FAM200A: variants seen among roughly 807,000 people sequenced by gnomAD.
The protein encoded by FAM200A is protein FAM200A.
Under a neutral mutation model 44.2 loss-of-function variants are expected in FAM200A, and 26 were observed. That is an observed-to-expected ratio of 0.59 (90% CI 0.43 to 0.82). The LOEUF (loss-of-function observed/expected upper bound fraction) is 0.82, where lower values mean the gene tolerates loss of function less well. Among genes scored for constraint, FAM200A ranks in the 40% least tolerant of loss-of-function variants. The pLI, the probability that FAM200A is intolerant of heterozygous loss-of-function variation, is 0.00. For synonymous variants in FAM200A, 206 were observed against 244.4 expected (o/e 0.84, Z 1.47); for missense variants, 606 against 669.5 (o/e 0.91, Z 1.05).
chr7:99,551,219 TCTCA>T (rs1384096725), intron 1 of FAM200A, among the ~76,000 whole-genome samples: 1 of 151,268 alleles, frequency 6.6e-6, no homozygotes, highest in African/African-American at 2.4e-5. Context: ...TGAGACAGAG[TCTCA>T]CTCTCTCTCT....
rs1802404716 is a variant in FAM200A, at chr7:99,547,119, AAAG to A, written c.1286_1288del (p.Ser429del). On this transcript the variant is annotated inframe_deletion, in exon 2 of 2. Transcript: ENST00000449309. The stretch of plus-strand genomic sequence containing the variant: ...AAAGTAATAATTAAAAGTTTGAGAC[AAAG>A]AAGTGAGATGCAACAATATCTCTAA... The A allele has an allele frequency of 6.5e-7, 1 of 1,547,310 alleles. No homozygotes were observed. The highest frequency in any genetic ancestry group is 8.7e-7 in the Non-Finnish European group (1 of 1,145,836).
At chr7:99,556,292 C>A (rs2151133981), upstream of FAM200A, among the ~76,000 whole-genome samples, 1 of 152,280 alleles carries the variant, frequency 6.6e-6, no homozygotes, top group East Asian at 1.9e-4. Context: ...GCGGACTACA[C>A]TGTGACAGAG....
upstream of FAM200A, among the ~76,000 whole-genome samples, chr7:99,553,050 CA>C (rs1802579878): frequency 8.6e-6 from 1 of 115,720 alleles, no homozygotes. Context: ...TATACACACA[CA>C]TATATATATA....
upstream of FAM200A, among the ~76,000 whole-genome samples, chr7:99,556,342 C>A (rs1279886141): frequency 1.3e-5 from 2 of 152,114 alleles, no homozygotes; most frequent in Non-Finnish European, 2.9e-5. Context: ...GTATGAGCCA[C>A]GACTTTGACT....
At position 99,552,102 on chromosome 7, in the gene FAM200A, G is replaced by A. The variant is rs189967824; in HGVS notation, c.-348C>T. 31 of 985,496 alleles carry A rather than the reference G, an allele frequency of 3.1e-5. No homozygotes were observed. In the East Asian group the frequency reaches 2.3e-3, roughly 72 times the overall value. 61.0% of individuals were successfully genotyped at this position (985,496 alleles called of 1,614,324 possible). ...CAAGCCCCCTGGCCTTCAGAGCCCA[G>A]GGAAAGCGTCACAAAAGCCGGAAGT... On this transcript the variant is annotated 5_prime_UTR_variant, in exon 1 of 2. Coordinates refer to ENST00000449309, the MANE Select transcript of FAM200A (RefSeq NM_145111.4).
intron 1 of FAM200A, among the ~76,000 whole-genome samples, chr7:99,557,978 G>GC (rs2151135831): frequency 6.6e-6 from 1 of 152,292 alleles, no homozygotes; most frequent in South Asian, 2.1e-4. Context: ...CCGGCGCTCT[G>GC]CCTGTCCCGC....
chr7:99,553,028 CATGT>C (rs60362350), upstream of FAM200A, among the ~76,000 whole-genome samples: 9 of 112,998 alleles, frequency 8.0e-5, no homozygotes, highest in Admixed American at 1.8e-4. Context: ...CATATATATA[CATGT>C]ATATATATAT....
Position 99,546,879 on chromosome 7 carries a change from C to A in FAM200A, c.1529G>T (p.Ser510Ile). 6.5e-7 allele frequency: 1 copy of A among 1,550,284 alleles called. No individual in the cohort carries two copies. The highest frequency in any genetic ancestry group is 1.2e-5 in the South Asian group (1 of 83,548). The change falls in exon 2 of 2, where the codon AGT (serine) becomes ATT (isoleucine). Residue 510 changes from serine to isoleucine, a missense_variant. Transcript: ENST00000449309. ...IKIKDDFPLL[S>I]RKSILLLLPF... is the part of the protein sequence containing the mutation. ...TAGTAACAGCAATATACTCTTCCTA[C>A]TTAGCAGTGGAAAGTCATCTTTAAT...
upstream of FAM200A, among the ~76,000 whole-genome samples, chr7:99,553,843 G>A (rs1436168561): frequency 1.3e-5 from 2 of 152,284 alleles, no homozygotes; most frequent in African/African-American, 4.8e-5. Flanking sequence ...CTGGCTAGCT[G>A]CTTCTGGATG....
At chr7:99,553,062 TAC>T (rs1206039971), upstream of FAM200A, among the ~76,000 whole-genome samples, 8,705 of 98,424 alleles carry the variant, frequency 0.088, 540 homozygotes, top group African/African-American at 0.21. Context: ...TATATATATA[TAC>T]ACACACATAT....
At chr7:99,553,099 ATTTTTTTTT>A (rs576289512), upstream of FAM200A, among the ~76,000 whole-genome samples, 5 of 61,418 alleles carry the variant, frequency 8.1e-5, no homozygotes, top group Admixed American at 4.2e-4. Flanking sequence ...ATATATATAT[ATTTTTTTTT>A]TTTTTTTTTT....
At chr7:99,553,458 C>G (rs147419231), upstream of FAM200A, among the ~76,000 whole-genome samples, 268 of 152,188 alleles carry the variant, frequency 1.8e-3, no homozygotes, top group African/African-American at 6.3e-3. Context: ...TATAACGACT[C>G]CTTTCTTTGC....
chr7:99,547,487 T>A lies in FAM200A; in HGVS notation c.921A>T (p.Gly307=). The A allele has an allele frequency of 6.5e-7, 1 of 1,549,854 alleles. No homozygotes were observed. The highest frequency in any genetic ancestry group is 8.7e-7 in the Non-Finnish European group (1 of 1,146,012). Reference sequence around the variant, plus strand: ...GTTCATATACTCTGCTCAATACTTTTCCTTGAGAAAGCCAACGAACTTCTG... The same window carrying A: ...GTTCATATACTCTGCTCAATACTTTACCTTGAGAAAGCCAACGAACTTCTG... ...FHTEVRWLSQ[G]KVLSRVYELR... Residue 307 remains glycine (G), a synonymous_variant, in exon 2 of 2, where the codon GGA becomes GGT. Coordinates refer to ENST00000449309, the MANE Select transcript of FAM200A (RefSeq NM_145111.4).
rs1486965369 is a variant in FAM200A at position 99,546,987 on chromosome 7, T to A, written c.1421A>T (p.Glu474Val). The A allele has an allele frequency of 3.9e-6, 6 of 1,550,324 alleles. No individual in the cohort carries two copies. In the East Asian group the frequency reaches 1.5e-4, roughly 38 times the overall value. Residue 474 changes from glutamate (E) to valine (V), a missense_variant, in exon 2 of 2, where the codon GAG (glutamate) becomes GTG (valine). By Grantham distance (121) the Glu-to-Val change is moderately radical. Coordinates refer to ENST00000449309, the MANE Select transcript of FAM200A (RefSeq NM_145111.4). ...IIELNLEPEE[E>V]NELLQLSSSF... ...TGAACTGAGCTGCAATAATTCATTCTCTTCTTCAGGCTCCAAGTTTAACTC... is the reference window on the plus strand; with the variant it reads ...TGAACTGAGCTGCAATAATTCATTCACTTCTTCAGGCTCCAAGTTTAACTC...
intron 1 of FAM200A, among the ~76,000 whole-genome samples, chr7:99,551,328 C>A (rs1357794538): frequency 6.6e-6 from 1 of 151,828 alleles, no homozygotes; most frequent in African/African-American, 2.4e-5. Context: ...GCCTCCCAAG[C>A]AGCTGGGATT....
intron 1 of FAM200A, among the ~76,000 whole-genome samples, chr7:99,549,687 G>A (rs1028472675): frequency 6.6e-6 from 1 of 152,154 alleles, no homozygotes; most frequent in Non-Finnish European, 1.5e-5. Context: ...AAGAAAATGT[G>A]GCACATATAC....
chr7:99,552,931 C>T (rs900602919), upstream of FAM200A, among the ~76,000 whole-genome samples: 9 of 150,888 alleles, frequency 6.0e-5, no homozygotes, highest in African/African-American at 9.8e-5. Flanking sequence ...TCTACCTACC[C>T]ACGAGTCTTC....
chr7:99,554,478 CAAA>C (rs397889799), upstream of FAM200A, among the ~76,000 whole-genome samples: 1 of 52,196 alleles, frequency 1.9e-5, no homozygotes. Flanking sequence ...GACTCCGTCT[CAAA>C]AAAAAAAAAA....
chr7:99,557,285 G>A (rs983694793), intron 1 of FAM200A, among the ~76,000 whole-genome samples: 31 of 152,168 alleles, frequency 2.0e-4, no homozygotes, highest in Middle Eastern at 3.2e-3. Context: ...GTGCCTCACT[G>A]CCATAGCTCA....
Sources: allele counts gnomAD v4.1 joint callset (sites outside exome capture counted in the v4.1 genomes callset), GRCh38; gene constraint gnomAD v4.1.1; transcripts MANE v1.5; gene names NCBI Gene and HGNC (gene_info 2026-07-23, HGNC 2026-07-21).